Variants in EML4 observed in about 807,000 individuals in gnomAD.
The protein encoded by EML4 is EMAP like 4, also known as echinoderm microtubule-associated protein-like 4.
EML4 carries 72 observed loss-of-function variants against 129.0 expected under a neutral mutation model. The ratio of observed to expected loss-of-function variants is 0.56; its 90% CI spans 0.46 to 0.68. The LOEUF is 0.68. Ranked by LOEUF, EML4 falls within the 30% of genes least tolerant of loss-of-function variation. The pLI, the probability that EML4 is intolerant of heterozygous loss-of-function variation, is 0.00. For synonymous variants in EML4, 532 were observed against 405.0 expected (o/e 1.31, Z -3.77); for missense variants, 1,363 against 1,190.6 (o/e 1.14, Z -2.13).
At chr2:42,293,745 G>C (rs1402642777) in intron 11 of EML4, among the ~76,000 whole-genome samples, 1 of 151,980 alleles carries the variant, frequency 6.6e-6, no homozygotes, top group Non-Finnish European at 1.5e-5. Context: ...CAAGTAGCTG[G>C]GATAAAGGCG....
intron 1 of EML4, among the ~76,000 whole-genome samples, chr2:42,208,337 CAAAG>C (rs1332682583): frequency 6.6e-6 from 1 of 151,502 alleles, no homozygotes; most frequent in East Asian, 1.9e-4. Context: ...TATATATAAT[CAAAG>C]AACTAAAATT....
At chr2:42,325,596 T>C in intron 20 of EML4, 42 bp downstream of exon 20, 1 of 150,886 alleles carries the variant, frequency 6.6e-6, no homozygotes. Flanking sequence ...TATGCTATGA[T>C]TATATTTATA....
chr2:42,298,512 G>C (rs2103696920), intron 13 of EML4, among the ~76,000 whole-genome samples: 1 of 152,150 alleles, frequency 6.6e-6, no homozygotes, highest in East Asian at 1.9e-4. Context: ...CTATAAATTT[G>C]TTTTACAGGT....
intron 19 of EML4, among the ~76,000 whole-genome samples, chr2:42,318,320 A>G (rs1669347386): frequency 6.6e-6 from 1 of 152,236 alleles, no homozygotes; most frequent in South Asian, 2.1e-4. Flanking sequence ...AGAAGCATAT[A>G]CATCTTGTAA....
chr2:42,267,967 A>T (rs1666157134), intron 6 of EML4, among the ~76,000 whole-genome samples: 1 of 152,184 alleles, frequency 6.6e-6, no homozygotes, highest in Non-Finnish European at 1.5e-5. Context: ...TGAGTTACTG[A>T]TTTTAAAAAA....
At chr2:42,250,444 A>G (rs1443328158) in intron 2 of EML4, among the ~76,000 whole-genome samples, 3 of 152,174 alleles carry the variant, frequency 2.0e-5, no homozygotes, top group African/African-American at 4.8e-5. Flanking sequence ...GAAGGTATGA[A>G]TTGCCTTGGT....
intron 1 of EML4, among the ~76,000 whole-genome samples, chr2:42,209,009 G>A (rs1306655352): frequency 6.6e-6 from 1 of 151,846 alleles, no homozygotes; most frequent in African/African-American, 2.4e-5. Context: ...TTTCCTTATG[G>A]TTTTATCCCC....
At chr2:42,312,657 G>T (rs1669026369) in intron 17 of EML4, among the ~76,000 whole-genome samples, 1 of 151,572 alleles carries the variant, frequency 6.6e-6, no homozygotes, top group Admixed American at 6.6e-5. Flanking sequence ...GGGTTTAAAT[G>T]ATTCTTCTGC....
intron 1 of EML4, among the ~76,000 whole-genome samples, chr2:42,203,671 C>T (rs1292159667): frequency 2.0e-5 from 3 of 149,940 alleles, no homozygotes; most frequent in Non-Finnish European, 4.4e-5. Flanking sequence ...TCCCTCCCCC[C>T]ACATATTTTG....
intron 1 of EML4, among the ~76,000 whole-genome samples, chr2:42,173,428 G>C (rs1170588724): frequency 1.3e-5 from 2 of 152,158 alleles, no homozygotes; most frequent in Admixed American, 1.3e-4. Flanking sequence ...GAGTTAGCTA[G>C]AGTGTTTTTC....
chr2:42,218,261 C>G (rs1051494199), intron 1 of EML4, among the ~76,000 whole-genome samples: 1 of 151,932 alleles, frequency 6.6e-6, no homozygotes, highest in African/African-American at 2.4e-5. Context: ...AATCTAATGC[C>G]TGATCTGTCA....
chr2:42,251,336 A>G (rs1378046011), intron 2 of EML4, among the ~76,000 whole-genome samples: 2 of 152,256 alleles, frequency 1.3e-5, no homozygotes, highest in Non-Finnish European at 2.9e-5. Context: ...ATCGTGGAAC[A>G]AGACATTATG....
intron 1 of EML4, among the ~76,000 whole-genome samples, chr2:42,205,586 A>C (rs1163483073): frequency 6.6e-6 from 1 of 152,222 alleles, no homozygotes; most frequent in Non-Finnish European, 1.5e-5. Context: ...ATCAGTAGGC[A>C]CTTAAATGAA....
intron 6 of EML4, 37 bp downstream of exon 6, chr2:42,264,768 C>A (rs1174831531): frequency 6.8e-7 from 1 of 1,459,968 alleles, no homozygotes; most frequent in Admixed American, 1.9e-5. Context: ...TTATTTTGCC[C>A]TTCTTAGTTT....
intron 13 of EML4, among the ~76,000 whole-genome samples, chr2:42,297,579 G>GT (rs1271184617): frequency 2.6e-5 from 4 of 152,146 alleles, no homozygotes; most frequent in Non-Finnish European, 5.9e-5. Context: ...AGAATTTGAG[G>GT]TTTTCAATTG....
intron 8 of EML4, among the ~76,000 whole-genome samples, chr2:42,283,512 A>T (rs6544529): frequency 0.13 from 19,386 of 152,146 alleles, 1,241 homozygotes; most frequent in East Asian, 0.18. Context: ...TTGTTTATTA[A>T]TATTTTCCAA....
At chr2:42,303,271 G>C in intron 15 of EML4, 42 bp downstream of exon 15, 2 of 1,613,806 alleles carry the variant, frequency 1.2e-6, no homozygotes, top group South Asian at 2.2e-5. Flanking sequence ...TATTTTTTAT[G>C]ATATTCTTTG....
chr2:42,255,949 G>C (rs571265479), intron 2 of EML4, among the ~76,000 whole-genome samples: 3 of 152,262 alleles, frequency 2.0e-5, no homozygotes, highest in Non-Finnish European at 4.4e-5. Flanking sequence ...GTATAGATAG[G>C]ACTGTTTTAT....
chr2:42,315,566 A>G (rs947040957), intron 17 of EML4, among the ~76,000 whole-genome samples: 1 of 152,214 alleles, frequency 6.6e-6, no homozygotes, highest in Non-Finnish European at 1.5e-5. Flanking sequence ...ATTATTAAAA[A>G]TTCTTAAAAG....
Sources: gnomAD v4.1 joint callset for allele counts (sites outside exome capture counted in the v4.1 genomes callset) on GRCh38, gnomAD v4.1.1 for gene constraint, MANE v1.5 for transcripts, NCBI Gene and HGNC (gene_info 2026-07-23, HGNC 2026-07-21) for gene names.